RARB: variants seen among roughly 807,000 people sequenced by gnomAD.
The protein encoded by RARB is retinoic acid receptor beta.
RARB carries 17 observed loss-of-function variants against 51.9 expected under a neutral mutation model. The ratio of observed to expected loss-of-function variants is 0.33; its 90% CI spans 0.22 to 0.49. RARB has a LOEUF of 0.49. Among genes scored for constraint, RARB ranks in the 20% least tolerant of loss-of-function variants. The pLI, the probability that RARB is intolerant of heterozygous loss-of-function variation, is 0.99. For synonymous variants in RARB, 215 were observed against 195.4 expected, an observed-to-expected ratio of 1.10 and a Z score of -0.84; for missense variants, 369 against 550.8, an observed-to-expected ratio of 0.67 and a Z score of 3.30.
chr3:25,514,929 G>T (rs1311523028), intron 3 of RARB, among the ~76,000 whole-genome samples: 2 of 152,176 alleles, frequency 1.3e-5, no homozygotes, highest in African/African-American at 2.4e-5. Flanking sequence ...TGGAAACTTG[G>T]ATATTGTGTC....
At chr3:25,271,610 CAT>C (rs1369369149) in intron 5 of RARB, among the ~76,000 whole-genome samples, 11 of 152,170 alleles carry the variant, frequency 7.2e-5, no homozygotes, top group Admixed American at 6.5e-4. Context: ...TTTCCTGCAA[CAT>C]AACTCTTGGG....
At chr3:25,041,042 T>C (rs773683392) in intron 2 of RARB, among the ~76,000 whole-genome samples, 17 of 152,226 alleles carry the variant, frequency 1.1e-4, no homozygotes, top group Non-Finnish European at 2.2e-4. Context: ...ATCTACTGAA[T>C]GTATGGAATG....
intron 2 of RARB, among the ~76,000 whole-genome samples, chr3:25,007,595 A>AAAAAAAAAAAAAAAAAC (rs1487000303): frequency 1.4e-5 from 2 of 142,170 alleles, no homozygotes; most frequent in Admixed American, 7.1e-5. Context: ...ACTGTCTCAA[A>AAAAAAAAAAAAAAAAAC]AAAAAAAAAC....
intron 4 of RARB, among the ~76,000 whole-genome samples, chr3:25,147,671 T>C (rs1700216912): frequency 6.6e-6 from 1 of 152,186 alleles, no homozygotes; most frequent in Admixed American, 6.5e-5. Flanking sequence ...TTGTAAGTGA[T>C]AGTAACTATA....
At chr3:25,266,474 A>AT in intron 5 of RARB, among the ~76,000 whole-genome samples, 1 of 152,004 alleles carries the variant, frequency 6.6e-6, no homozygotes, top group South Asian at 2.1e-4. Context: ...TGTTGCAAAT[A>AT]TTTTTTCTTA....
At chr3:25,011,739 G>C (rs1300939169) in intron 2 of RARB, among the ~76,000 whole-genome samples, 1 of 152,112 alleles carries the variant, frequency 6.6e-6, no homozygotes, top group Admixed American at 6.6e-5. Context: ...CAATGTCAAA[G>C]AAGTTGGTGT....
At chr3:24,869,558 T>C (rs1425690887) in intron 2 of RARB, among the ~76,000 whole-genome samples, 1 of 152,154 alleles carries the variant, frequency 6.6e-6, no homozygotes, top group Non-Finnish European at 1.5e-5. Flanking sequence ...ATATGAATTA[T>C]TCCCTCCCCC....
intron 5 of RARB, among the ~76,000 whole-genome samples, chr3:25,328,721 G>A (rs148816846): frequency 4.6e-5 from 7 of 152,238 alleles, no homozygotes; most frequent in East Asian, 1.9e-4. Flanking sequence ...AAAGCAGGGC[G>A]GGGCATCACT....
intron 1 of RARB, among the ~76,000 whole-genome samples, chr3:24,839,465 T>C (rs1702390309): frequency 6.6e-6 from 1 of 150,912 alleles, no homozygotes; most frequent in African/African-American, 2.4e-5. Context: ...CACTTTGGGC[T>C]GAGGTGAGAG....
chr3:25,385,274 C>A lies in RARB; in HGVS notation c.179-75919C>A, dbSNP rs561887123. 3.3e-5 allele frequency among the ~76,000 whole-genome samples: 5 copies of A among 152,250 alleles called. No homozygotes were observed. In the South Asian group the frequency reaches 1.0e-3, roughly 32 times the overall value. On this transcript the variant is annotated intron_variant, in intron 5 of 11. Transcript: ENST00000383772. ...GATCCACAGAAAGGACAATACAGCCCCCTTTGTGTCCCTGGTATGTCTTTA... is the reference window on the plus strand; with the variant it reads ...GATCCACAGAAAGGACAATACAGCCACCTTTGTGTCCCTGGTATGTCTTTA...
At chr3:25,190,734 GA>G (rs1352483824) in intron 5 of RARB, among the ~76,000 whole-genome samples, 5 of 152,112 alleles carry the variant, frequency 3.3e-5, no homozygotes, top group Non-Finnish European at 2.9e-5. Flanking sequence ...CCCACTTCTA[GA>G]TTTTTTTCTT....
At chr3:24,885,178 A>G (rs1353537035) in intron 2 of RARB, among the ~76,000 whole-genome samples, 1 of 152,130 alleles carries the variant, frequency 6.6e-6, no homozygotes, top group Non-Finnish European at 1.5e-5. Flanking sequence ...GCAAGCAAAG[A>G]GGAGTTCGAC....
At position 25,520,384 on chromosome 3, in the gene RARB, A is replaced by C. The variant is rs750033562; in HGVS notation, c.448+19061A>C. Among the ~76,000 whole-genome samples the C allele has an allele frequency of 2.2e-4, 33 of 152,212 alleles. 1 individual carries two copies. The highest frequency in any genetic ancestry group is 4.6e-4 in the Non-Finnish European group (31 of 68,040). ...AGTTCAGTAGGGACCTTCTGATTTCAGCTCTGGACTGAAAATTCTTAAACT... is the reference window on the plus strand; with the variant it reads ...AGTTCAGTAGGGACCTTCTGATTTCCGCTCTGGACTGAAAATTCTTAAACT... On this transcript the variant is annotated intron_variant, in intron 3 of 7. Transcript: ENST00000330688.
chr3:24,980,643 T>G (rs1288944982), intron 2 of RARB, among the ~76,000 whole-genome samples: 1 of 152,154 alleles, frequency 6.6e-6, no homozygotes, highest in Admixed American at 6.6e-5. Context: ...CTCTACATGG[T>G]TATTCTAGTT....
At chr3:25,550,539 C>T (rs1699805519) in intron 3 of RARB, among the ~76,000 whole-genome samples, 1 of 152,154 alleles carries the variant, frequency 6.6e-6, no homozygotes, top group South Asian at 2.1e-4. Context: ...GAGGGCTCCA[C>T]CCTCATGACT....
At chr3:25,004,987 G>A (rs1183893020) in intron 2 of RARB, among the ~76,000 whole-genome samples, 1 of 152,060 alleles carries the variant, frequency 6.6e-6, no homozygotes. Flanking sequence ...TGCTAGTCTT[G>A]TAGTCATTCT....
chr3:25,164,462 A>G (rs1700529039), intron 4 of RARB, among the ~76,000 whole-genome samples: 1 of 152,240 alleles, frequency 6.6e-6, no homozygotes, highest in African/African-American at 2.4e-5. Context: ...CTATGGAACC[A>G]TGTGACCATC....
intron 2 of RARB, among the ~76,000 whole-genome samples, chr3:24,976,321 T>A (rs1696511358): frequency 6.6e-6 from 1 of 152,208 alleles, no homozygotes. Flanking sequence ...TATTACTAGT[T>A]CTAGATCCTT....
chr3:25,394,396 T>A (rs1362712232), intron 5 of RARB, among the ~76,000 whole-genome samples: 7 of 152,186 alleles, frequency 4.6e-5, no homozygotes, highest in Non-Finnish European at 1.0e-4. Flanking sequence ...GAATGTTCAG[T>A]AAATATCTGT....
Sources: allele counts gnomAD v4.1 joint callset (sites outside exome capture counted in the v4.1 genomes callset), GRCh38; gene constraint gnomAD v4.1.1; transcripts MANE v1.5; gene names NCBI Gene and HGNC (gene_info 2026-07-23, HGNC 2026-07-21).